The following NKIRAS1 variants were observed in gnomAD, a reference collection of about 807,000 sequenced individuals.
NKIRAS1 encodes the protein NF-kappa-B inhibitor-interacting Ras-like protein 1.
A neutral mutation model predicts 19.8 loss-of-function variants in NKIRAS1; 16 were observed. That is an observed-to-expected ratio of 0.81 (90% CI 0.55 to 1.23). The LOEUF (loss-of-function observed/expected upper bound fraction) is 1.23, where lower values mean the gene tolerates loss of function less well. NKIRAS1 is among the 50% of genes most tolerant of loss of function. The pLI is 0.00. For missense variants in NKIRAS1, 184 were observed against 220.0 expected (o/e 0.84, Z 1.04); for synonymous variants, 88 against 79.0 (o/e 1.11, Z -0.61).
chr3:23,917,067 G>C (rs1575116622), upstream of NKIRAS1: 2 of 152,580 alleles, frequency 1.3e-5, no homozygotes, highest in Non-Finnish European at 2.9e-5. Flanking sequence ...TGACGCTCTG[G>C]GAGGCCGCAG....
intron 3 of NKIRAS1, among the ~76,000 whole-genome samples, chr3:23,908,976 G>A (rs1214917635): frequency 6.6e-6 from 1 of 151,428 alleles, no homozygotes; most frequent in South Asian, 2.1e-4. Context: ...TTACCAAGCT[G>A]TGAGCCATCA....
chr3:23,890,746 A>T lies in NKIRAS1; in HGVS notation c.*2349T>A. The T allele has an allele frequency of 1.4e-6, 1 of 735,328 alleles. No individual in the cohort carries two copies. 45.6% of individuals were successfully genotyped at this position (735,328 alleles called of 1,614,324 possible). The stretch of plus-strand genomic sequence containing the variant: ...ATATTATTCAGTCTTATTTCCTAAG[A>T]TTTTGTTGTAACTTAAGGTATCTTG... On this transcript the variant is annotated 3_prime_UTR_variant, in exon 5 of 5. Transcript: ENST00000425478.
At chr3:23,923,662 T>C (rs1282116528) in intron 1 of NKIRAS1, 2 of 152,244 alleles carry the variant, frequency 1.3e-5, no homozygotes, top group African/African-American at 4.8e-5. Context: ...GCATACATCT[T>C]TATTCATCTG....
chr3:23,929,206 A>G (rs1705264596), intron 1 of NKIRAS1, among the ~76,000 whole-genome samples: 1 of 151,416 alleles, frequency 6.6e-6, no homozygotes, highest in South Asian at 2.1e-4. Flanking sequence ...TACTAAAAGT[A>G]CAAAAAAATT....
intron 3 of NKIRAS1, among the ~76,000 whole-genome samples, chr3:23,902,372 A>G (rs1477050819): frequency 6.6e-6 from 1 of 152,200 alleles, no homozygotes; most frequent in Non-Finnish European, 1.5e-5. Flanking sequence ...TTTCATCAAC[A>G]TAACTCATAA....
upstream of NKIRAS1, chr3:23,918,487 C>G: frequency 6.2e-7 from 1 of 1,613,608 alleles, no homozygotes; most frequent in Non-Finnish European, 8.5e-7. Flanking sequence ...CCGAAAACGC[C>G]CAGTTCCTAA....
chr3:23,942,221 C>T (rs1445571671), intron 1 of NKIRAS1, among the ~76,000 whole-genome samples: 1 of 151,642 alleles, frequency 6.6e-6, no homozygotes, highest in Non-Finnish European at 1.5e-5. Flanking sequence ...TCAAGAGATC[C>T]GCCTGCCTTG....
At chr3:23,908,106 G>A (rs1703252642) in intron 3 of NKIRAS1, among the ~76,000 whole-genome samples, 1 of 152,274 alleles carries the variant, frequency 6.6e-6, no homozygotes, top group South Asian at 2.1e-4. Context: ...TCCCAATACT[G>A]ATGAAATTGG....
At chr3:23,916,585 G>A (rs1353888531) in intron 1 of NKIRAS1, 199 bp downstream of exon 1, 1 of 152,302 alleles carries the variant, frequency 6.6e-6, no homozygotes, top group African/African-American at 2.4e-5. Flanking sequence ...GGGACACAGC[G>A]AGCGCCCCGA....
chr3:23,944,169 G>A (rs1443380525), intron 1 of NKIRAS1, among the ~76,000 whole-genome samples: 2 of 152,196 alleles, frequency 1.3e-5, no homozygotes, highest in East Asian at 3.8e-4. Context: ...AAGGCTGTGA[G>A]AGTGTTAGGA....
At chr3:23,916,657 C>T (rs1247813721) in intron 1 of NKIRAS1, 127 bp downstream of exon 1, 1 of 152,578 alleles carries the variant, frequency 6.6e-6, no homozygotes, top group Non-Finnish European at 1.5e-5. Flanking sequence ...CGGGGGATCT[C>T]TCAGCGCAGC....
Position 23,890,490 on chromosome 3 carries a change from C to G in NKIRAS1, c.*2605G>C. 6.2e-7 allele frequency: 1 copy of G among 1,605,468 alleles called. No homozygotes were observed. The highest frequency in any genetic ancestry group is 8.5e-7 in the Non-Finnish European group (1 of 1,176,356). On this transcript the variant is annotated 3_prime_UTR_variant, in exon 5 of 5. Transcript: ENST00000425478. ...GTTCTTTTCCTTTCTCCAAAGTAAT[C>G]TACATTCTTTTCTTCCAGCCGACCC...
At chr3:23,913,759 G>A (rs1258346225) in intron 1 of NKIRAS1, among the ~76,000 whole-genome samples, 1 of 152,166 alleles carries the variant, frequency 6.6e-6, no homozygotes, top group Non-Finnish European at 1.5e-5. Flanking sequence ...GTGGTCATCT[G>A]CAGTACCCTG....
At chr3:23,918,410 A>G (rs779442387), upstream of NKIRAS1, 7 of 1,606,088 alleles carry the variant, frequency 4.4e-6, no homozygotes, top group Non-Finnish European at 5.9e-6. Flanking sequence ...TTCCTATAAA[A>G]TCACTAATTT....
intron 1 of NKIRAS1, among the ~76,000 whole-genome samples, chr3:23,940,267 C>A (rs1705470705): frequency 6.6e-6 from 1 of 151,566 alleles, no homozygotes; most frequent in Non-Finnish European, 1.5e-5. Context: ...GCATCTCGAG[C>A]CCATGAGTTT....
In NKIRAS1 at chr3:23,927,350, A is replaced by C. The variant is rs1575128657; in HGVS notation, c.-139-15900T>G. The stretch of plus-strand genomic sequence containing the variant: ...GTCCAGTCAACATAGTGAGGCCCCC[A>C]TCTCTATATTTCTTAGTTGAGGAAA... On this transcript the variant is annotated intron_variant, in intron 1 of 4. Coordinates refer to the NKIRAS1 transcript ENST00000421515. This position sits in a 1 kb window ranked among gnomAD's most constrained non-coding sequence, Gnocchi z 4.0. 6.6e-6 allele frequency among the ~76,000 whole-genome samples: 1 copy of C among 151,840 alleles called. No homozygotes were observed. The highest frequency in any genetic ancestry group is 1.5e-5 in the Non-Finnish European group (1 of 67,976).
upstream of NKIRAS1, chr3:23,918,738 T>A: frequency 3.6e-6 from 3 of 834,956 alleles, no homozygotes; most frequent in South Asian, 1.8e-5. Context: ...TTGAAAGACT[T>A]GTCTTTGTTA....
At position 23,902,095 on chromosome 3, in the gene NKIRAS1, A is replaced by T. The variant is rs1420025239; in HGVS notation, c.95-1046T>A. Among the ~76,000 whole-genome samples, 7 of 152,178 alleles carry T rather than the reference A, an allele frequency of 4.6e-5. No homozygotes were observed. In the East Asian group the frequency reaches 1.2e-3, roughly 25 times the overall value. On this transcript the variant is annotated intron_variant, in intron 3 of 4. Coordinates refer to ENST00000425478, the MANE Select transcript of NKIRAS1 (RefSeq NM_020345.4). ...TCTCAAAAAATAATAATAAAAAAATAAAAATAAATGAATGTGAGATACATC... is the reference window on the plus strand; with the variant it reads ...TCTCAAAAAATAATAATAAAAAAATTAAAATAAATGAATGTGAGATACATC...
At chr3:23,898,634 C>CG (rs1702214594) in intron 4 of NKIRAS1, among the ~76,000 whole-genome samples, 1 of 151,880 alleles carries the variant, frequency 6.6e-6, no homozygotes. Flanking sequence ...TTAGTAGAGA[C>CG]GGGGTTCCAC....
Sources: gnomAD v4.1 joint callset for allele counts (sites outside exome capture counted in the v4.1 genomes callset) on GRCh38, gnomAD v4.1.1 for gene constraint, Gnocchi (gnomAD v3.1) non-coding constraint, MANE v1.5 for transcripts, NCBI Gene and HGNC (gene_info 2026-07-23, HGNC 2026-07-21) for gene names.